Variants in CMIP observed in about 807,000 individuals in gnomAD.
The protein encoded by CMIP is c-Maf inducing protein, also known as C-Maf-inducing protein.
CMIP carries 13 observed loss-of-function variants against 97.3 expected under a neutral mutation model. The ratio of observed to expected loss-of-function variants is 0.13; its 90% CI spans 0.09 to 0.21. The LOEUF is 0.21. Among genes scored for constraint, CMIP ranks in the 10% least tolerant of loss-of-function variants. CMIP has a pLI of 1.00. For missense variants in CMIP, 847 were observed against 1,024.9 expected, an observed-to-expected ratio of 0.83 and a Z score of 2.37; for synonymous variants, 538 against 436.3, an observed-to-expected ratio of 1.23 and a Z score of -2.91.
chr16:81,457,024 A>C (rs1906591177), intron 1 of CMIP, among the ~76,000 whole-genome samples: 1 of 152,120 alleles, frequency 6.6e-6, no homozygotes, highest in Non-Finnish European at 1.5e-5. Flanking sequence ...GCGCTCTGTC[A>C]CAGCCGGTGG....
In CMIP at chr16:81,474,623, C is replaced by T. The variant is rs543767214; in HGVS notation, c.300+29082C>T. On this transcript the variant is annotated intron_variant, in intron 1 of 20. Transcript: ENST00000537098. ...TGTCTTCTTACTGTGTGGTCTCTTC[C>T]GTGTCACCGCACTTCTGTGGAAGGG... is the stretch of plus-strand genomic sequence containing the variant. 1.1e-4 allele frequency among the ~76,000 whole-genome samples: 17 copies of T among 152,316 alleles called. No homozygotes were observed. The East Asian group carries it at 2.9e-3, about 26-fold the overall frequency.
chr16:81,703,288 G>A (rs1240858001), intron 17 of CMIP, among the ~76,000 whole-genome samples: 1 of 151,986 alleles, frequency 6.6e-6, no homozygotes, highest in Non-Finnish European at 1.5e-5. Context: ...CTTCATTCCG[G>A]GCAGCCACAG....
At chr16:81,529,560 G>A (rs577457679) in intron 1 of CMIP, among the ~76,000 whole-genome samples, 1 of 152,308 alleles carries the variant, frequency 6.6e-6, no homozygotes, top group East Asian at 1.9e-4. Flanking sequence ...TATGCTGCCT[G>A]CAGGATGAAG....
chr16:81,687,860 T>C (rs1273076832), intron 10 of CMIP, among the ~76,000 whole-genome samples: 2 of 152,202 alleles, frequency 1.3e-5, no homozygotes, highest in Non-Finnish European at 2.9e-5. Flanking sequence ...CCCGAAGCTA[T>C]TGCTTCCCTG....
At chr16:81,683,694 T>G (rs1413801615) in intron 10 of CMIP, among the ~76,000 whole-genome samples, 1 of 151,620 alleles carries the variant, frequency 6.6e-6, no homozygotes, top group Non-Finnish European at 1.5e-5. Context: ...GTTTTGTAAT[T>G]TTTAAAAAGT....
chr16:81,663,297 A>AC (rs2092567371), intron 6 of CMIP, among the ~76,000 whole-genome samples: 3 of 129,460 alleles, frequency 2.3e-5, no homozygotes, highest in Admixed American at 1.5e-4. Flanking sequence ...GTTATTCAGC[A>AC]CTAAAAAAAA....
At chr16:81,603,173 G>A (rs1040212509) in intron 1 of CMIP, among the ~76,000 whole-genome samples, 4 of 152,058 alleles carry the variant, frequency 2.6e-5, no homozygotes, top group African/African-American at 9.7e-5. Context: ...TTCACCTCCC[G>A]GGTTCACGCC....
intron 10 of CMIP, among the ~76,000 whole-genome samples, chr16:81,690,724 A>C (rs1567665177): frequency 6.6e-6 from 1 of 152,254 alleles, no homozygotes. Context: ...CAGGAGTTCA[A>C]GACCAGCATG....
chr16:81,650,394 G>A (rs1034465918), intron 3 of CMIP, among the ~76,000 whole-genome samples: 2 of 152,186 alleles, frequency 1.3e-5, no homozygotes, highest in African/African-American at 2.4e-5. Flanking sequence ...AGAAAGGTGG[G>A]CAGGTGGGTA....
chr16:81,668,283 A>T (rs2092632527), intron 7 of CMIP, among the ~76,000 whole-genome samples: 2 of 152,110 alleles, frequency 1.3e-5, no homozygotes, highest in Admixed American at 1.3e-4. Context: ...GGGTGGCCAG[A>T]CACAGCCCGA....
intron 1 of CMIP, among the ~76,000 whole-genome samples, chr16:81,582,163 T>A (rs1302111195): frequency 2.6e-5 from 4 of 152,142 alleles, no homozygotes; most frequent in African/African-American, 9.7e-5. Flanking sequence ...ACTGCCCCCA[T>A]GATCCAATCA....
At chr16:81,457,591 C>T (rs576421772) in intron 1 of CMIP, among the ~76,000 whole-genome samples, 15 of 152,374 alleles carry the variant, frequency 9.8e-5, no homozygotes, top group Non-Finnish European at 1.9e-4. Context: ...CAAGCAGGCT[C>T]TGCCACATGT....
chr16:81,544,088 A>T (rs941518999), intron 1 of CMIP, among the ~76,000 whole-genome samples: 1 of 152,122 alleles, frequency 6.6e-6, no homozygotes, highest in East Asian at 1.9e-4. Context: ...AGAAGAGGGG[A>T]AAGGAGAGAG....
intron 1 of CMIP, among the ~76,000 whole-genome samples, chr16:81,540,200 C>A (rs879806229): frequency 6.6e-6 from 1 of 152,214 alleles, no homozygotes; most frequent in Non-Finnish European, 1.5e-5. Context: ...ACCAGCATCG[C>A]TGGCCTTTTT....
intron 1 of CMIP, among the ~76,000 whole-genome samples, chr16:81,556,761 T>TA (rs1442825792): frequency 1.3e-5 from 2 of 152,222 alleles, no homozygotes; most frequent in African/African-American, 4.8e-5. Flanking sequence ...GGACATCACT[T>TA]ATACACACAA....
intron 19 of CMIP, 113 bp downstream of exon 19, chr16:81,705,717 G>T (rs1339124372): frequency 3.0e-6 from 2 of 667,680 alleles, no homozygotes; most frequent in Non-Finnish European, 5.1e-6. Flanking sequence ...AGAGAAATTC[G>T]TTCATTCACA....
chr16:81,493,605 C>T (rs1291595189), intron 1 of CMIP, among the ~76,000 whole-genome samples: 3 of 152,264 alleles, frequency 2.0e-5, no homozygotes, highest in Non-Finnish European at 4.4e-5. Context: ...GTTGAATCTT[C>T]CGGCAGTGTG....
intron 1 of CMIP, among the ~76,000 whole-genome samples, chr16:81,448,434 C>T (rs570111399): frequency 1.6e-4 from 25 of 152,346 alleles, no homozygotes; most frequent in Admixed American, 1.2e-3. Context: ...CAGGCAGACT[C>T]GGGCTCCCAG....
intron 3 of CMIP, among the ~76,000 whole-genome samples, chr16:81,635,021 C>T (rs948442247): frequency 1.3e-5 from 2 of 152,154 alleles, no homozygotes; most frequent in African/African-American, 4.8e-5. Context: ...CACTGTATTT[C>T]GGAAGGGCTA....
Sources: allele counts gnomAD v4.1 joint callset (sites outside exome capture counted in the v4.1 genomes callset), GRCh38; gene constraint gnomAD v4.1.1; transcripts MANE v1.5; gene names NCBI Gene and HGNC (gene_info 2026-07-23, HGNC 2026-07-21).